The following CNIH3 variants were observed in gnomAD, a reference collection of about 807,000 sequenced individuals.
CNIH3 encodes cornichon family AMPA receptor auxiliary protein 3, also known as protein cornichon homolog 3.
Under a neutral mutation model 24.1 loss-of-function variants are expected in CNIH3, and 14 were observed. That is an observed-to-expected ratio of 0.58 (90% CI 0.38 to 0.91). CNIH3 has a LOEUF of 0.91. Ranked by LOEUF, CNIH3 falls within the 40% of genes least tolerant of loss-of-function variation. CNIH3 has a pLI of 0.00. For synonymous variants in CNIH3, 68 were observed against 73.8 expected (o/e 0.92, Z 0.40); for missense variants, 178 against 196.8 (o/e 0.90, Z 0.57).
intron 1 of CNIH3, among the ~76,000 whole-genome samples, chr1:224,463,802 TTTTTTTTA>T (rs1247783225): frequency 1.5e-5 from 2 of 131,674 alleles, no homozygotes; most frequent in African/African-American, 6.1e-5. Context: ...TTTTTTTTTT[TTTTTTTTA>T]GAGGGAGTCT....
intron 3 of CNIH3, among the ~76,000 whole-genome samples, chr1:224,692,282 G>A (rs1484611326): frequency 6.6e-6 from 1 of 152,144 alleles, no homozygotes; most frequent in Non-Finnish European, 1.5e-5. Context: ...CTGCATCCTG[G>A]GACAGTGTAA....
Position 224,734,603 on chromosome 1 carries a change from G to A in CNIH3, c.352G>A (p.Asp118Asn), listed in dbSNP as rs746644166. 2.3e-5 allele frequency: 37 copies of A among 1,614,020 alleles called. No homozygotes were observed. The East Asian group carries it at 2.5e-4, about 11-fold the overall frequency. The change falls in exon 5 of 6, where the codon GAC becomes AAC. Residue 118 changes from aspartate (D) to asparagine (N), a missense_variant. Physicochemically the swap from Asp to Asn is conservative, Grantham distance 23 (BLOSUM62 1). Coordinates refer to ENST00000272133, the MANE Select transcript of CNIH3 (RefSeq NM_152495.2). ...AGCAGATAGCTCAGAACTAGCCTACGACCCACCGGTGGTCATGAATGCCGA... is the reference window on the plus strand; with the variant it reads ...AGCAGATAGCTCAGAACTAGCCTACAACCCACCGGTGGTCATGAATGCCGA... ...CPADSSELAY[D>N]PPVVMNADTL...
chr1:224,556,503 C>A (rs1241174080), intron 3 of CNIH3, among the ~76,000 whole-genome samples: 2 of 152,194 alleles, frequency 1.3e-5, no homozygotes, highest in East Asian at 3.8e-4. Context: ...TCTAGGCCAG[C>A]AATTCCCAAC....
At chr1:224,596,103 C>T (rs554999714) in intron 3 of CNIH3, among the ~76,000 whole-genome samples, 3 of 152,204 alleles carry the variant, frequency 2.0e-5, no homozygotes, top group South Asian at 2.1e-4. Flanking sequence ...GATGAAACAG[C>T]CTTCTCTTGG....
intron 3 of CNIH3, among the ~76,000 whole-genome samples, chr1:224,560,876 C>A (rs146034011): frequency 6.6e-6 from 1 of 152,066 alleles, no homozygotes; most frequent in East Asian, 1.9e-4. Context: ...TCCATGAAAC[C>A]GTCCCTGGTG....
chr1:224,489,286 C>T (rs897389370), intron 1 of CNIH3, among the ~76,000 whole-genome samples: 7 of 152,208 alleles, frequency 4.6e-5, no homozygotes, highest in African/African-American at 1.7e-4. Context: ...ATCAGCTGGA[C>T]AGTTGGTCAG....
At chr1:224,539,088 G>T (rs61509136), downstream of CNIH3, among the ~76,000 whole-genome samples, 6,465 of 151,024 alleles carry the variant, frequency 0.043, 457 homozygotes, top group African/African-American at 0.15. Context: ...GGCTAACACA[G>T]ATTTCCAGTG....
chr1:224,534,889 C>A (rs1679222522), intron 2 of CNIH3, among the ~76,000 whole-genome samples: 1 of 152,172 alleles, frequency 6.6e-6, no homozygotes, highest in Non-Finnish European at 1.5e-5. Context: ...TTGCCAATCC[C>A]CCAGTGGCAG....
intron 1 of CNIH3, among the ~76,000 whole-genome samples, chr1:224,475,044 C>CA (rs542566183): frequency 0.2 from 17,850 of 91,536 alleles, 1,618 homozygotes; most frequent in African/African-American, 0.29. Flanking sequence ...GACTCCATCT[C>CA]AAAAAAAAAA....
intron 4 of CNIH3, among the ~76,000 whole-genome samples, chr1:224,578,595 T>C (rs1014424202): frequency 6.6e-6 from 1 of 152,182 alleles, no homozygotes; most frequent in Non-Finnish European, 1.5e-5. Context: ...TACTAGTACC[T>C]AGTATCTCCC....
At chr1:224,582,857 A>T (rs1248258999) in intron 4 of CNIH3, among the ~76,000 whole-genome samples, 1 of 152,144 alleles carries the variant, frequency 6.6e-6, no homozygotes, top group Non-Finnish European at 1.5e-5. Flanking sequence ...GCCTTTGTTG[A>T]TTCACTTATC....
At chr1:224,677,213 A>G (rs1686181458) in intron 1 of CNIH3, among the ~76,000 whole-genome samples, 1 of 152,218 alleles carries the variant, frequency 6.6e-6, no homozygotes, top group Non-Finnish European at 1.5e-5. Context: ...CATGTGCAGC[A>G]TATAGCCCGG....
chr1:224,462,725 G>A (rs558440350), intron 1 of CNIH3, among the ~76,000 whole-genome samples: 69 of 127,122 alleles, frequency 5.4e-4, no homozygotes, highest in African/African-American at 2.0e-3. Context: ...CCAGAGCCTC[G>A]ACCTCCCAGG....
chr1:224,664,924 T>C (rs577053546), intron 1 of CNIH3: 2 of 152,274 alleles, frequency 1.3e-5, no homozygotes, highest in African/African-American at 4.8e-5. Flanking sequence ...AGATCCAAAT[T>C]TTCAAGCCAA....
chr1:224,677,639 G>T (rs1686202361), intron 1 of CNIH3, among the ~76,000 whole-genome samples: 1 of 152,310 alleles, frequency 6.6e-6, no homozygotes, highest in South Asian at 2.1e-4. Context: ...CCAAGGTAGG[G>T]GTCGCTGGCT....
chr1:224,680,299 T>C (rs2125143004), intron 1 of CNIH3, among the ~76,000 whole-genome samples: 1 of 152,348 alleles, frequency 6.6e-6, no homozygotes, highest in Admixed American at 6.5e-5. Flanking sequence ...CCTCATTCTG[T>C]GACTGGAAAA....
chr1:224,660,910 C>T (rs1275933960), intron 1 of CNIH3, among the ~76,000 whole-genome samples: 1 of 152,168 alleles, frequency 6.6e-6, no homozygotes, highest in African/African-American at 2.4e-5. Context: ...AGTCAAGGCT[C>T]ACCTTGGAGT....
intron 3 of CNIH3, among the ~76,000 whole-genome samples, chr1:224,603,094 G>C (rs1682274387): frequency 6.6e-6 from 1 of 152,040 alleles, no homozygotes; most frequent in Admixed American, 6.6e-5. Context: ...AAAGAGGGAG[G>C]GTGTAATCCC....
intron 1 of CNIH3, among the ~76,000 whole-genome samples, chr1:224,647,899 C>G (rs948444405): frequency 1.3e-5 from 2 of 152,106 alleles, no homozygotes; most frequent in Non-Finnish European, 2.9e-5. Context: ...TCGGTAAGAA[C>G]AGAGTTAAAA....
Sources: allele counts gnomAD v4.1 joint callset (sites outside exome capture counted in the v4.1 genomes callset), GRCh38; gene constraint gnomAD v4.1.1; transcripts MANE v1.5; gene names NCBI Gene and HGNC (gene_info 2026-07-23, HGNC 2026-07-21).